PIEZO2: variants seen among roughly 807,000 people sequenced by gnomAD.
PIEZO2 encodes the protein piezo type mechanosensitive ion channel component 2.
Under a neutral mutation model 337.3 loss-of-function variants are expected in PIEZO2, and 172 were observed. The observed-to-expected ratio is 0.51, with a 90% CI of 0.45 to 0.58. The LOEUF (loss-of-function observed/expected upper bound fraction) is 0.58, where lower values mean the gene tolerates loss of function less well. Among genes scored for constraint, PIEZO2 ranks in the 20% least tolerant of loss-of-function variants. PIEZO2 has a pLI of 0.00. For missense variants in PIEZO2, 3,028 were observed against 3,391.3 expected (o/e 0.89, Z 2.66); for synonymous variants, 1,251 against 1,228.5 (o/e 1.02, Z -0.38).
chr18:10,715,553 A>C, intron 38 of PIEZO2, 97 bp downstream of exon 38: 2 of 1,152,034 alleles, frequency 1.7e-6, no homozygotes, highest in Non-Finnish European at 2.3e-6. Context: ...CCTGGAAAGA[A>C]AGGGCTTTGT....
At chr18:10,737,086 A>C (rs1442316357) in intron 33 of PIEZO2, among the ~76,000 whole-genome samples, 2 of 152,076 alleles carry the variant, frequency 1.3e-5, no homozygotes, top group African/African-American at 4.8e-5. Context: ...AAAATTCAGC[A>C]ATTTTGGTCT....
At chr18:11,139,021 C>T (rs975319482) in intron 1 of PIEZO2, among the ~76,000 whole-genome samples, 3 of 152,238 alleles carry the variant, frequency 2.0e-5, no homozygotes, top group Non-Finnish European at 4.4e-5. Flanking sequence ...GGAACTCACA[C>T]TAGCCAATGT....
chr18:10,736,766 G>C, intron 33 of PIEZO2, 56 bp from the exon 34 acceptor site: 1 of 1,502,220 alleles, frequency 6.7e-7, no homozygotes, highest in Non-Finnish European at 8.9e-7. Context: ...GAAATTGGGG[G>C]CTTATTAATG....
chr18:11,137,981 T>A (rs1227076352), intron 1 of PIEZO2, among the ~76,000 whole-genome samples: 2 of 152,098 alleles, frequency 1.3e-5, no homozygotes, highest in Non-Finnish European at 2.9e-5. Flanking sequence ...GTAAAAGGTG[T>A]TAATTGCCAT....
rs2040335239 is a variant in PIEZO2, at chr18:11,131,340, G to A, written c.64+17185C>T. On this transcript the variant is annotated intron_variant, in intron 1 of 55. Transcript: ENST00000674853. This position sits in a 1 kb window ranked among gnomAD's most constrained non-coding sequence, Gnocchi z 5.3. ...AGTTACATGAGGAAGTGGCTCGAAT[G>A]CCTATCATCTCCACCCCTGCTACCC... Among the ~76,000 whole-genome samples the A allele has an allele frequency of 6.6e-6, 1 of 152,166 alleles. No homozygotes were observed. Among genetic ancestry groups the A allele is most frequent in the African/African-American group, 2.4e-5 (1 of 41,458 alleles).
Position 10,726,474 on chromosome 18 carries a change from C to T in PIEZO2, c.5029+4933G>A. The T allele has an allele frequency of 1.3e-6, 2 of 1,523,908 alleles. No individual in the cohort carries two copies. The highest frequency in any genetic ancestry group is 1.8e-6 in the Non-Finnish European group (2 of 1,141,632). 94.4% of individuals were successfully genotyped at this position (1,523,908 alleles called of 1,614,324 possible). A position where few individuals can be genotyped will look rare whatever the true frequency, so the allele number is the denominator to read the frequency against. On this transcript the variant is annotated intron_variant, in intron 36 of 55. Coordinates refer to ENST00000674853, the MANE Select transcript of PIEZO2 (RefSeq NM_001378183.1). The surrounding 1 kb of genome is among the most constrained non-coding windows in gnomAD (Gnocchi z 5.9). ...GGCGAACCCCACGAGGAGGGCCTGG[C>T]CACCCTGCACAGCGTGCTGCTCCGC...
In PIEZO2 at chr18:10,767,586, C is replaced by T. The variant is rs1455767421; in HGVS notation, c.2946+2562G>A. ...TGACTCGGAGCCCGATGCGTGAACC[C>T]TGGAGCTTGGGCACTGGTACCCATG... is the stretch of plus-strand genomic sequence containing the variant. On this transcript the variant is annotated intron_variant, in intron 21 of 55. Coordinates refer to ENST00000674853, the MANE Select transcript of PIEZO2 (RefSeq NM_001378183.1). The surrounding 1 kb of genome is among the most constrained non-coding windows in gnomAD (Gnocchi z 4.2). Among the ~76,000 whole-genome samples, 1 of 152,164 alleles carries T rather than the reference C, an allele frequency of 6.6e-6. No homozygotes were observed. The highest frequency in any genetic ancestry group is 1.5e-5 in the Non-Finnish European group (1 of 68,022).
At chr18:10,950,555 G>A (rs932484916) in intron 3 of PIEZO2, among the ~76,000 whole-genome samples, 1 of 152,180 alleles carries the variant, frequency 6.6e-6, no homozygotes, top group Non-Finnish European at 1.5e-5. Flanking sequence ...ACTAGGGAAC[G>A]AGAAAAGTAA....
rs2032843250 is a variant in PIEZO2, at chr18:10,943,688, G to T, written c.287-32460C>A. On this transcript the variant is annotated intron_variant, in intron 3 of 55. Coordinates refer to ENST00000674853, the MANE Select transcript of PIEZO2 (RefSeq NM_001378183.1). This position sits in a 1 kb window ranked among gnomAD's most constrained non-coding sequence, Gnocchi z 4.5. ...TAATGATGAAATGAGTTGAGACTTT[G>T]GGGGACTGTTGGGAAGGCATGATTG... Among the ~76,000 whole-genome samples the T allele has an allele frequency of 6.6e-6, 1 of 152,144 alleles. No individual in the cohort carries two copies.
At chr18:10,989,198 T>G (rs909209161) in intron 2 of PIEZO2, among the ~76,000 whole-genome samples, 1 of 152,086 alleles carries the variant, frequency 6.6e-6, no homozygotes, top group Middle Eastern at 3.2e-3. Flanking sequence ...GTGTCTATCA[T>G]CAAAACTCAT....
rs1568051016 is a variant in PIEZO2 at position 10,782,339 on chromosome 18, AAT to A, written c.2493-1975_2493-1974del. Among the ~76,000 whole-genome samples the A allele has an allele frequency of 2.6e-4, 16 of 60,386 alleles. No individual in the cohort carries two copies. The South Asian group carries it at 2.8e-3, about 11-fold the overall frequency. 39.6% of individuals were successfully genotyped at this position (60,386 alleles called of 152,430 possible). A position where few individuals can be genotyped will look rare whatever the true frequency, so the allele number is the denominator to read the frequency against. On this transcript the variant is annotated intron_variant, in intron 17 of 55. Transcript: ENST00000674853. ...TAATATATTATAATTATATATAAAT[AAT>A]TATAATATATTATAATTATATATAA...
chr18:10,843,410 C>T (rs1044137715), intron 7 of PIEZO2, among the ~76,000 whole-genome samples: 10 of 151,904 alleles, frequency 6.6e-5, no homozygotes, highest in African/African-American at 1.9e-4. Context: ...TCATTTTATA[C>T]GCTGTTCTCT....
chr18:10,883,676 C>G (rs767661882), intron 4 of PIEZO2, among the ~76,000 whole-genome samples: 1 of 152,124 alleles, frequency 6.6e-6, no homozygotes, highest in Non-Finnish European at 1.5e-5. Flanking sequence ...ACTAGAGTCA[C>G]CATGATGTAC....
intron 40 of PIEZO2, among the ~76,000 whole-genome samples, chr18:10,706,605 T>A (rs1022229897): frequency 2.0e-5 from 3 of 152,242 alleles, no homozygotes; most frequent in African/African-American, 7.2e-5. Flanking sequence ...TCATCCTCAC[T>A]CCCTGCCTTT....
chr18:10,956,356 T>C (rs2033521977), intron 3 of PIEZO2, among the ~76,000 whole-genome samples: 1 of 152,032 alleles, frequency 6.6e-6, no homozygotes, highest in Non-Finnish European at 1.5e-5. Context: ...CTGAAAACTA[T>C]AAAACATCAA....
In PIEZO2 at chr18:11,038,582, G is replaced by A. The variant is rs530163166; in HGVS notation, c.160+27545C>T. 2.0e-4 allele frequency among the ~76,000 whole-genome samples: 30 copies of A among 152,234 alleles called. No individual in the cohort carries two copies. Among genetic ancestry groups the A allele is most frequent in the African/African-American group, 7.2e-4 (30 of 41,544 alleles). On this transcript the variant is annotated intron_variant, in intron 2 of 55. Coordinates refer to ENST00000674853, the MANE Select transcript of PIEZO2 (RefSeq NM_001378183.1). This position sits in a 1 kb window ranked among gnomAD's most constrained non-coding sequence, Gnocchi z 4.1. ...AAGACTGAATGTATCTATGACCTGTGAACACCCCACAGTGCAGCTGAGGAG... is the reference window on the plus strand; with the variant it reads ...AAGACTGAATGTATCTATGACCTGTAAACACCCCACAGTGCAGCTGAGGAG...
At chr18:11,029,705 T>C (rs1217271591) in intron 2 of PIEZO2, among the ~76,000 whole-genome samples, 1 of 152,154 alleles carries the variant, frequency 6.6e-6, no homozygotes, top group Non-Finnish European at 1.5e-5. Flanking sequence ...TCTCAGGGCC[T>C]TTGCACTTAC....
chr18:10,688,824 G>A (rs1394618242), intron 49 of PIEZO2, among the ~76,000 whole-genome samples: 2 of 151,976 alleles, frequency 1.3e-5, no homozygotes, highest in South Asian at 2.1e-4. Flanking sequence ...ATGTTCCTTC[G>A]ATAGAGAGGC....
chr18:11,147,491 G>GATCAACCTCGGTCAAGATGCAGAGTC (rs2040839898), intron 1 of PIEZO2, among the ~76,000 whole-genome samples: 2 of 152,218 alleles, frequency 1.3e-5, no homozygotes, highest in African/African-American at 4.8e-5. Flanking sequence ...ACACAGGTGT[G>GATCAACCTCGGTCAAGATGCAGAGTC]ATCAACCTCG....
Sources: gnomAD v4.1 joint callset for allele counts (sites outside exome capture counted in the v4.1 genomes callset) on GRCh38, gnomAD v4.1.1 for gene constraint, Gnocchi (gnomAD v3.1) non-coding constraint, MANE v1.5 for transcripts, NCBI Gene and HGNC (gene_info 2026-07-23, HGNC 2026-07-21) for gene names.